The following MORF4L1 variants were observed in gnomAD, a reference collection of about 807,000 sequenced individuals.
MORF4L1 encodes the protein mortality factor 4 like 1.
MORF4L1 carries 4 observed loss-of-function variants against 52.9 expected under a neutral mutation model. The observed-to-expected ratio is 0.08, with a 90% CI of 0.04 to 0.17. MORF4L1 has a LOEUF of 0.17. Among genes scored for constraint, MORF4L1 ranks in the 10% least tolerant of loss-of-function variants. The probability of loss-of-function intolerance (pLI) is 1.00; values close to 1 mark genes in which losing one functional copy is unlikely to be tolerated. For synonymous variants in MORF4L1, 123 were observed against 134.8 expected, an observed-to-expected ratio of 0.91 and a Z score of 0.61; for missense variants, 214 against 390.4, an observed-to-expected ratio of 0.55 and a Z score of 3.81.
chr15:78,891,316 TCTTC>T (rs2056798011), intron 6 of MORF4L1, 164 bp from the exon 7 acceptor site: 1 of 657,638 alleles, frequency 1.5e-6, no homozygotes, highest in South Asian at 1.9e-5. Context: ...TCGGTAGAGC[TCTTC>T]ATGAAAGTTG....
At position 78,889,630 on chromosome 15, in the gene MORF4L1, A is replaced by G. The variant is rs181548142; in HGVS notation, c.324-1359A>G. 2.0e-4 allele frequency among the ~76,000 whole-genome samples: 31 copies of G among 152,312 alleles called. No homozygotes were observed. The East Asian group carries it at 5.8e-3, about 28-fold the overall frequency. Reference sequence around the variant, plus strand: ...TGGTCTCCACATATTGACACGTGCAAGTAAAGTTCATGGTTGACTTTGACC... The same window carrying G: ...TGGTCTCCACATATTGACACGTGCAGGTAAAGTTCATGGTTGACTTTGACC... On this transcript the variant is annotated intron_variant, in intron 5 of 11. Coordinates refer to ENST00000426013, the MANE Select transcript of MORF4L1 (RefSeq NM_006791.4).
At chr15:78,889,055 T>C (rs2056754857) in intron 5 of MORF4L1, among the ~76,000 whole-genome samples, 1 of 152,230 alleles carries the variant, frequency 6.6e-6, no homozygotes, top group Admixed American at 6.5e-5. Flanking sequence ...ATAGAAATCT[T>C]AAGTGGTAGT....
At position 78,886,214 on chromosome 15, in the gene MORF4L1, C is replaced by A; in HGVS notation, c.229C>A (p.Gln77Lys). Residue 77 changes from glutamine to lysine, a missense_variant, in exon 4 of 12, where the codon CAA (glutamine) becomes AAA (lysine). Coordinates refer to ENST00000426013, the MANE Select transcript of MORF4L1 (RefSeq NM_006791.4). Reference protein sequence around the residue: ...DTNLQKQRELQKANQEQYAEG... With the variant: ...DTNLQKQRELKKANQEQYAEG... ...CAATTTGCAGAAACAGCGAGAACTT[C>A]AAAAAGCCAATCAGTAAGTTTGTTT... The A allele has an allele frequency of 2.5e-6, 4 of 1,613,406 alleles. No individual in the cohort carries two copies. Among genetic ancestry groups the A allele is most frequent in the Non-Finnish European group, 3.4e-6 (4 of 1,179,366 alleles).
At chr15:78,886,945 ACT>A (rs934843437) in intron 4 of MORF4L1, among the ~76,000 whole-genome samples, 2 of 136,000 alleles carry the variant, frequency 1.5e-5, no homozygotes, top group Non-Finnish European at 3.2e-5. Context: ...GCACAGTGAA[ACT>A]CTGTCTCAAA....
chr15:78,887,183 G>A, intron 4 of MORF4L1, 86 bp from the exon 5 acceptor site: 2 of 1,153,794 alleles, frequency 1.7e-6, no homozygotes, highest in Non-Finnish European at 2.5e-6. Flanking sequence ...GAATTTGAAT[G>A]TAAATTCCTA....
chr15:78,884,087 CCAGCTAGTTTGTAGGCTGAGG>C (rs905279455), intron 3 of MORF4L1, among the ~76,000 whole-genome samples: 1 of 151,706 alleles, frequency 6.6e-6, no homozygotes, highest in Admixed American at 6.6e-5. Flanking sequence ...GCCTGTAATC[CCAGCTAGTTTGTAGGCTGAGG>C]CAGGAGAACT....
intron 5 of MORF4L1, chr15:78,887,592 A>G (rs1288060989): frequency 2.9e-6 from 1 of 346,678 alleles, no homozygotes. Flanking sequence ...TTTCTCTTAC[A>G]AAGATAGTAC....
intron 5 of MORF4L1, 184 bp from the exon 6 acceptor site, chr15:78,890,805 G>A: frequency 2.1e-6 from 1 of 484,056 alleles, no homozygotes; most frequent in Non-Finnish European, 3.2e-6. Context: ...TCTATTATGT[G>A]GAGAGAGATG....
intron 2 of MORF4L1, among the ~76,000 whole-genome samples, chr15:78,879,677 C>G (rs1402440773): frequency 1.3e-5 from 2 of 151,910 alleles, no homozygotes; most frequent in African/African-American, 4.8e-5. Flanking sequence ...GACGTACAAG[C>G]CTGTAATCCC....
In MORF4L1 at chr15:78,892,223, C is replaced by G. The variant is rs1311112917; in HGVS notation, c.450C>G (p.Phe150Leu). 1 of 1,611,218 alleles carries G rather than the reference C, an allele frequency of 6.2e-7. No individual in the cohort carries two copies. The highest frequency in any genetic ancestry group is 1.3e-5 in the African/African-American group (1 of 74,824). The change falls in exon 8 of 12, where the codon TTC becomes TTG. Residue 150 changes from phenylalanine to leucine, a missense_variant. Phe to Leu is a conservative substitution (Grantham distance 22). Coordinates refer to ENST00000426013, the MANE Select transcript of MORF4L1 (RefSeq NM_006791.4). ...VDPTVENEET[F>L]MNRVEVKVKI... ...CTGTTTCTGTTTAGGAGGAAACATT[C>G]ATGAACAGAGTTGAAGTTAAAGTAA...
In MORF4L1 at chr15:78,884,662, C is replaced by T. The variant is rs35560673; in HGVS notation, c.156-1479C>T. Among the ~76,000 whole-genome samples the T allele has an allele frequency of 5.1e-3, 99 of 19,480 alleles. 1 individual carries two copies. The highest frequency in any genetic ancestry group is 0.015 in the African/African-American group (94 of 6,260). 12.8% of individuals were successfully genotyped at this position (19,480 alleles called of 152,430 possible). On this transcript the variant is annotated intron_variant, in intron 3 of 11. Coordinates refer to ENST00000426013, the MANE Select transcript of MORF4L1 (RefSeq NM_006791.4). ...CTCAAAAAAAAAAAAAAAAAAAATA[C>T]ACACACACACACACACACACACACA...
intron 8 of MORF4L1, 46 bp from the exon 9 acceptor site, chr15:78,893,493 T>G (rs537088728): frequency 7.5e-7 from 1 of 1,335,472 alleles, no homozygotes; most frequent in Admixed American, 1.7e-5. Flanking sequence ...TGATTTTTCT[T>G]TAAAAAAGAG....
chr15:78,890,974 T>A lies in MORF4L1; in HGVS notation c.324-15T>A. The A allele has an allele frequency of 1.4e-6, 2 of 1,446,664 alleles. No individual in the cohort carries two copies. Among genetic ancestry groups the A allele is most frequent in the Non-Finnish European group, 1.9e-6 (2 of 1,080,242 alleles). 89.6% of individuals were successfully genotyped at this position (1,446,664 alleles called of 1,614,324 possible). A position where few individuals can be genotyped will look rare whatever the true frequency, so the allele number is the denominator to read the frequency against. On this transcript the variant is annotated splice_polypyrimidine_tract_variant and intron_variant, in intron 5 of 11. Transcript: ENST00000426013. ...ACTGGAAATAATTATTTTTCTTTTT[T>A]TTCTCTCCTTTTAGGAAAACGAAAA...
chr15:78,897,391 A>G lies in MORF4L1; in HGVS notation c.*324A>G. ...TCCTTTGACACTACGCACTTTTATAATACATGTTAATGCTATATGACAAAA... is the reference window on the plus strand; with the variant it reads ...TCCTTTGACACTACGCACTTTTATAGTACATGTTAATGCTATATGACAAAA... On this transcript the variant is annotated 3_prime_UTR_variant, in exon 12 of 12. Transcript: ENST00000426013. 1 of 229,674 alleles carries G rather than the reference A, an allele frequency of 4.4e-6. No individual in the cohort carries two copies. Among genetic ancestry groups the G allele is most frequent in the Admixed American group, 5.0e-5 (1 of 19,860 alleles). The allele number at this position is 229,674 out of a possible 1,614,324, so 14.2% of individuals were successfully genotyped here. A position where few individuals can be genotyped will look rare whatever the true frequency, so the allele number is the denominator to read the frequency against.
intron 11 of MORF4L1, 140 bp downstream of exon 11, chr15:78,895,044 GCAAACA>G: frequency 1.5e-6 from 1 of 673,144 alleles, no homozygotes; most frequent in South Asian, 1.8e-5. Context: ...AAAAGTAAGT[GCAAACA>G]CATGGGAGTC....
intron 3 of MORF4L1, 76 bp downstream of exon 3, chr15:78,880,655 G>A: frequency 3.6e-6 from 4 of 1,101,016 alleles, no homozygotes; most frequent in Non-Finnish European, 2.7e-6. Flanking sequence ...GCAAGCATAT[G>A]CTTTTCAATT....
rs768837714 is a variant in MORF4L1, at chr15:78,890,976, T to TC, written c.324-12dup. 9 of 1,449,196 alleles carry TC rather than the reference T, an allele frequency of 6.2e-6. No homozygotes were observed. The highest frequency in any genetic ancestry group is 5.0e-5 in the East Asian group (2 of 39,804). The allele number at this position is 1,449,196 out of a possible 1,614,324, so 89.8% of individuals were successfully genotyped here. A position where few individuals can be genotyped will look rare whatever the true frequency, so the allele number is the denominator to read the frequency against. On this transcript the variant is annotated splice_polypyrimidine_tract_variant and intron_variant, in intron 5 of 11. Coordinates refer to ENST00000426013, the MANE Select transcript of MORF4L1 (RefSeq NM_006791.4). Reference sequence around the variant, plus strand: ...TGGAAATAATTATTTTTCTTTTTTTTCTCTCCTTTTAGGAAAACGAAAAAG... The same window carrying TC: ...TGGAAATAATTATTTTTCTTTTTTTTCCTCTCCTTTTAGGAAAACGAAAAAG...
At chr15:78,879,819 G>C (rs573971747) in intron 2 of MORF4L1, among the ~76,000 whole-genome samples, 2 of 151,620 alleles carry the variant, frequency 1.3e-5, no homozygotes, top group South Asian at 2.1e-4. Flanking sequence ...TTTTATCCCT[G>C]AATGTTGTTA....
intron 5 of MORF4L1, among the ~76,000 whole-genome samples, chr15:78,890,283 T>A (rs1015554017): frequency 1.3e-5 from 2 of 150,062 alleles, no homozygotes; most frequent in Admixed American, 6.7e-5. Flanking sequence ...CTGTTAGAGA[T>A]GATAATCAAG....
Sources: allele counts gnomAD v4.1 joint callset (sites outside exome capture counted in the v4.1 genomes callset), GRCh38; gene constraint gnomAD v4.1.1; transcripts MANE v1.5; gene names NCBI Gene and HGNC (gene_info 2026-07-23, HGNC 2026-07-21).